LSAMP: variants seen among roughly 807,000 people sequenced by gnomAD.
LSAMP encodes limbic system-associated membrane protein.
A neutral mutation model predicts 38.6 loss-of-function variants in LSAMP; 7 were observed. That is an observed-to-expected ratio of 0.18 (90% CI 0.10 to 0.34). The LOEUF (loss-of-function observed/expected upper bound fraction) is 0.34, where lower values mean the gene tolerates loss of function less well. Among genes scored for constraint, LSAMP ranks in the 10% least tolerant of loss-of-function variants. LSAMP has a pLI of 1.00. For missense variants in LSAMP, 313 were observed against 420.0 expected, an observed-to-expected ratio of 0.75 and a Z score of 2.23; for synonymous variants, 154 against 166.8, an observed-to-expected ratio of 0.92 and a Z score of 0.59.
chr3:115,990,060 A>C (rs1321796656), intron 3 of LSAMP, among the ~76,000 whole-genome samples: 1 of 152,068 alleles, frequency 6.6e-6, no homozygotes, highest in Non-Finnish European at 1.5e-5. Context: ...TTGAGATGAC[A>C]TACAAAAGAG....
intron 1 of LSAMP, among the ~76,000 whole-genome samples, chr3:116,290,673 T>C (rs533726524): frequency 6.6e-6 from 1 of 151,440 alleles, no homozygotes; most frequent in East Asian, 2.0e-4. Context: ...GAGGTTGCAG[T>C]GAGCCAAGAT....
chr3:116,091,904 A>G (rs968397236), intron 1 of LSAMP, among the ~76,000 whole-genome samples: 2 of 152,274 alleles, frequency 1.3e-5, no homozygotes, highest in African/African-American at 4.8e-5. Context: ...CGTATGCTAT[A>G]AAGTGCCACC....
intron 3 of LSAMP, among the ~76,000 whole-genome samples, chr3:116,010,256 ATT>A (rs751909167): frequency 6.6e-6 from 1 of 152,200 alleles, no homozygotes; most frequent in African/African-American, 2.4e-5. Context: ...AATGTCCTAT[ATT>A]TTAAAGATGT....
chr3:116,175,293 T>G (rs1025760880), intron 1 of LSAMP, among the ~76,000 whole-genome samples: 44 of 152,104 alleles, frequency 2.9e-4, no homozygotes, highest in Admixed American at 2.6e-3. Context: ...ATATAATAGT[T>G]GTACATATTT....
At chr3:116,352,898 G>A (rs891322634) in intron 1 of LSAMP, among the ~76,000 whole-genome samples, 1 of 152,018 alleles carries the variant, frequency 6.6e-6, no homozygotes, top group African/African-American at 2.4e-5. Context: ...TGTATAGTTT[G>A]TTCCCTGTGT....
chr3:116,427,412 G>C (rs962400561), intron 1 of LSAMP, among the ~76,000 whole-genome samples: 1 of 152,106 alleles, frequency 6.6e-6, no homozygotes, highest in Non-Finnish European at 1.5e-5. Context: ...GAGCCACCGC[G>C]CCCGGCCCAA....
intron 2 of LSAMP, among the ~76,000 whole-genome samples, chr3:116,033,890 G>C (rs1427206703): frequency 2.0e-5 from 3 of 152,146 alleles, no homozygotes; most frequent in African/African-American, 7.2e-5. Context: ...GGGAAGAAAG[G>C]AGGAATTTTT....
At position 116,221,573 on chromosome 3, in the gene LSAMP, TG is replaced by T. The variant is rs1261122878; in HGVS notation, c.156-135018del. On this transcript the variant is annotated intron_variant, in intron 1 of 6. Transcript: ENST00000490035. The stretch of plus-strand genomic sequence containing the variant: ...ATGTGTTTGTGTACATGCCTGTGTG[TG>T]TCCTTCTAGACAGAAAAATCTAGAA... Among the ~76,000 whole-genome samples the T allele has an allele frequency of 4.3e-4, 66 of 152,344 alleles. 1 individual carries two copies. Among genetic ancestry groups the T allele is most frequent in the African/African-American group, 1.5e-3 (64 of 41,578 alleles).
intron 3 of LSAMP, among the ~76,000 whole-genome samples, chr3:115,893,792 A>C (rs1026391045): frequency 1.2e-4 from 18 of 152,024 alleles, no homozygotes; most frequent in African/African-American, 4.3e-4. Flanking sequence ...TCTAAATAAA[A>C]ATGGACTTTT....
At chr3:116,168,230 T>TTA (rs1559767944) in intron 1 of LSAMP, among the ~76,000 whole-genome samples, 18 of 151,648 alleles carry the variant, frequency 1.2e-4, no homozygotes, top group Non-Finnish European at 1.9e-4. Context: ...TATTATTATT[T>TTA]TTTTTTTACT....
chr3:115,871,068 C>A (rs538069493), intron 3 of LSAMP, among the ~76,000 whole-genome samples: 1 of 152,178 alleles, frequency 6.6e-6, no homozygotes, highest in African/African-American at 2.4e-5. Flanking sequence ...AATTACGGAA[C>A]TAGAAATTAT....
At chr3:116,201,936 C>A (rs1393437283) in intron 1 of LSAMP, among the ~76,000 whole-genome samples, 1 of 152,108 alleles carries the variant, frequency 6.6e-6, no homozygotes, top group Non-Finnish European at 1.5e-5. Flanking sequence ...ACTCAGAAAA[C>A]CTTAACATTT....
intron 1 of LSAMP, among the ~76,000 whole-genome samples, chr3:116,121,463 T>C (rs1377073175): frequency 6.6e-6 from 1 of 152,210 alleles, no homozygotes; most frequent in Non-Finnish European, 1.5e-5. Context: ...ATCATAAGCT[T>C]CTTCTGTAAT....
chr3:116,094,907 C>T (rs541795989), intron 1 of LSAMP, among the ~76,000 whole-genome samples: 1 of 152,272 alleles, frequency 6.6e-6, no homozygotes, highest in South Asian at 2.1e-4. Flanking sequence ...TTCTTTAAAT[C>T]AAATGAGGTG....
intron 1 of LSAMP, among the ~76,000 whole-genome samples, chr3:116,215,958 G>T (rs1378527743): frequency 6.6e-6 from 1 of 152,140 alleles, no homozygotes; most frequent in East Asian, 1.9e-4. Flanking sequence ...ACCAAATTTG[G>T]AGTAAGTAAT....
chr3:115,816,139 CT>C (rs1389941844), intron 6 of LSAMP, among the ~76,000 whole-genome samples: 2 of 152,130 alleles, frequency 1.3e-5, no homozygotes, highest in Non-Finnish European at 2.9e-5. Flanking sequence ...GGGTTAGACA[CT>C]GTTAGGGACT....
rs1940136775 is a variant in LSAMP at position 116,005,674 on chromosome 3, A to G, written c.514+13841T>C. Reference sequence around the variant, plus strand: ...GGAATTATCTCCTCTAGCAACAATCAGTAACATAACTGCCAATGGTAGAAA... The same window carrying G: ...GGAATTATCTCCTCTAGCAACAATCGGTAACATAACTGCCAATGGTAGAAA... On this transcript the variant is annotated intron_variant, in intron 3 of 6. Transcript: ENST00000490035. Among the ~76,000 whole-genome samples, 3 of 152,228 alleles carry G rather than the reference A, an allele frequency of 2.0e-5. No individual in the cohort carries two copies. The South Asian group carries it at 6.2e-4, about 32-fold the overall frequency.
At chr3:116,043,450 C>T (rs1941218019) in intron 2 of LSAMP, among the ~76,000 whole-genome samples, 1 of 152,174 alleles carries the variant, frequency 6.6e-6, no homozygotes, top group Admixed American at 6.5e-5. Flanking sequence ...ATGGCAGTAT[C>T]TACCTAACTC....
intron 6 of LSAMP, among the ~76,000 whole-genome samples, chr3:115,817,082 A>G (rs1219843481): frequency 1.3e-5 from 2 of 152,190 alleles, no homozygotes; most frequent in African/African-American, 4.8e-5. Context: ...GTCTATTCCA[A>G]CTTAAAACCT....
Sources: allele counts gnomAD v4.1 joint callset (sites outside exome capture counted in the v4.1 genomes callset), GRCh38; gene constraint gnomAD v4.1.1; transcripts MANE v1.5; gene names NCBI Gene and HGNC (gene_info 2026-07-23, HGNC 2026-07-21).